NAMPT: variants seen among roughly 807,000 people sequenced by gnomAD.
NAMPT encodes the protein nicotinamide phosphoribosyltransferase.
A neutral mutation model predicts 58.7 loss-of-function variants in NAMPT; 7 were observed. The ratio of observed to expected loss-of-function variants is 0.12; its 90% CI spans 0.07 to 0.22. The LOEUF is 0.22. NAMPT is among the 10% of genes least tolerant of loss of function. The pLI is 1.00. For synonymous variants in NAMPT, 145 were observed against 198.1 expected, an observed-to-expected ratio of 0.73 and a Z score of 2.25; for missense variants, 271 against 567.9, an observed-to-expected ratio of 0.48 and a Z score of 5.31.
At chr7:106,276,351 C>CTAAG (rs1562818693) in intron 2 of NAMPT, 2 of 152,116 alleles carry the variant, frequency 1.3e-5, no homozygotes, top group Non-Finnish European at 2.9e-5. Context: ...GCATTTGCAA[C>CTAAG]TAAGTCCAGA....
At chr7:106,253,959 A>G (rs1173746649) in intron 9 of NAMPT, among the ~76,000 whole-genome samples, 3 of 152,164 alleles carry the variant, frequency 2.0e-5, no homozygotes, top group African/African-American at 2.4e-5. Flanking sequence ...TGACTGTGGT[A>G]TAACAATCCA....
chr7:106,248,311 CTTTA>C lies in NAMPT; in HGVS notation c.*2768_*2771del, dbSNP rs942317035. On this transcript the variant is annotated 3_prime_UTR_variant, in exon 11 of 11. Transcript: ENST00000222553. ...TTAACACTTCACTAATAGAGCTAAA[CTTTA>C]TTTCCATGTTTATTACATGTTTATA... 1.3e-5 allele frequency: 2 copies of C among 152,520 alleles called. No individual in the cohort carries two copies. The highest frequency in any genetic ancestry group is 2.9e-5 in the Non-Finnish European group (2 of 67,982). 9.4% of individuals were successfully genotyped at this position (152,520 alleles called of 1,614,324 possible).
At chr7:106,276,774 G>A (rs542428851) in intron 2 of NAMPT, 18 of 345,004 alleles carry the variant, frequency 5.2e-5, no homozygotes, top group Admixed American at 8.3e-5. Context: ...ACCAGGAGGC[G>A]GAGGTTGCGC....
intron 3 of NAMPT, 106 bp downstream of exon 3, chr7:106,274,840 G>C (rs1216769304): frequency 4.2e-6 from 3 of 709,824 alleles, no homozygotes; most frequent in Middle Eastern, 4.2e-4. Context: ...GGGTGACAGA[G>C]TGACACTTTC....
chr7:106,284,814 G>T lies in NAMPT; in HGVS notation c.57+14C>A, dbSNP rs751960204. ...GCCCCGCTCCTCCTCATCTGCCCGGGCCCCGAGCTTTACCTTGTAGGAGTC... is the reference window on the plus strand; with the variant it reads ...GCCCCGCTCCTCCTCATCTGCCCGGTCCCCGAGCTTTACCTTGTAGGAGTC... On this transcript the variant is annotated intron_variant, in intron 1 of 10. Coordinates refer to ENST00000222553, the MANE Select transcript of NAMPT (RefSeq NM_005746.3). 1 of 1,532,964 alleles carries T rather than the reference G, an allele frequency of 6.5e-7. No homozygotes were observed. The highest frequency in any genetic ancestry group is 1.4e-5 in the African/African-American group (1 of 71,944). 95.0% of individuals were successfully genotyped at this position (1,532,964 alleles called of 1,614,324 possible).
intron 1 of NAMPT, among the ~76,000 whole-genome samples, chr7:106,281,657 A>G (rs1167274828): frequency 1.3e-5 from 2 of 152,242 alleles, no homozygotes; most frequent in Non-Finnish European, 2.9e-5. Flanking sequence ...GTATTATTTA[A>G]GATTTCTTAA....
chr7:106,285,261 C>T (rs1354823117), upstream of NAMPT: 1 of 847,398 alleles, frequency 1.2e-6, no homozygotes, highest in Non-Finnish European at 1.5e-6. Flanking sequence ...TCCCAGACGC[C>T]AGCTCTGGGA....
chr7:106,258,793 T>C (rs139027518), intron 8 of NAMPT, among the ~76,000 whole-genome samples: 528 of 152,336 alleles, frequency 3.5e-3, no homozygotes, highest in African/African-American at 0.012. Flanking sequence ...GTCATCTTTT[T>C]GTTGGTGGAG....
At chr7:106,252,199 A>G (rs1257352074) in intron 10 of NAMPT, among the ~76,000 whole-genome samples, 1 of 152,128 alleles carries the variant, frequency 6.6e-6, no homozygotes, top group Non-Finnish European at 1.5e-5. Flanking sequence ...AAGTGACTTT[A>G]GCTCATCTAG....
At chr7:106,284,686 CGCCTCCCCCGG>C (rs1303370058) in intron 1 of NAMPT, 131 bp downstream of exon 1, 4 of 1,014,338 alleles carry the variant, frequency 3.9e-6, no homozygotes, top group South Asian at 4.7e-5. Flanking sequence ...CCGCCGCCCG[CGCCTCCCCCGG>C]GCCTCCCCGC....
At chr7:106,267,027 G>A (rs527800952) in intron 6 of NAMPT, among the ~76,000 whole-genome samples, 28 of 152,096 alleles carry the variant, frequency 1.8e-4, no homozygotes, top group Middle Eastern at 3.4e-3. Flanking sequence ...TTTCATTCTT[G>A]TGCTTTCATC....
intron 1 of NAMPT, among the ~76,000 whole-genome samples, chr7:106,278,456 T>C (rs369217667): frequency 1.3e-5 from 2 of 152,082 alleles, no homozygotes; most frequent in African/African-American, 2.4e-5. Flanking sequence ...GATAGTGATA[T>C]ACTAAAAGGT....
At chr7:106,253,815 C>T (rs1792146579) in intron 9 of NAMPT, among the ~76,000 whole-genome samples, 1 of 152,106 alleles carries the variant, frequency 6.6e-6, no homozygotes, top group Non-Finnish European at 1.5e-5. Flanking sequence ...AGGGAATCAA[C>T]TCAGGTGTTC....
chr7:106,276,962 G>C, intron 2 of NAMPT, 61 bp downstream of exon 2: 1 of 1,272,620 alleles, frequency 7.9e-7, no homozygotes, highest in Non-Finnish European at 1.1e-6. Context: ...AATTCTAAAA[G>C]AACTCCTAAA....
chr7:106,283,550 T>G (rs970595280), intron 1 of NAMPT, among the ~76,000 whole-genome samples: 1 of 152,184 alleles, frequency 6.6e-6, no homozygotes, highest in South Asian at 2.1e-4. Context: ...AACACTATGA[T>G]TGAACCAAGA....
chr7:106,253,226 A>C (rs1278240980), intron 9 of NAMPT, 75 bp from the exon 10 acceptor site: 1 of 1,486,330 alleles, frequency 6.7e-7, no homozygotes, highest in African/African-American at 1.4e-5. Context: ...CCTTACAAAA[A>C]AGCACATACA....
At chr7:106,278,894 T>C (rs944911655) in intron 1 of NAMPT, among the ~76,000 whole-genome samples, 7 of 152,230 alleles carry the variant, frequency 4.6e-5, no homozygotes, top group Non-Finnish European at 7.3e-5. Context: ...CATAGTTTTA[T>C]TTCTCCACAG....
chr7:106,285,431 C>T, upstream of NAMPT: 1 of 635,752 alleles, frequency 1.6e-6, no homozygotes, highest in Non-Finnish European at 2.0e-6. Flanking sequence ...ACCTTCCGTC[C>T]TACCCAGTCC....
chr7:106,281,052 A>G (rs1475417195), intron 1 of NAMPT, among the ~76,000 whole-genome samples: 2 of 150,270 alleles, frequency 1.3e-5, no homozygotes, highest in Non-Finnish European at 3.0e-5. Flanking sequence ...AAATTATTAC[A>G]TACTAGATAA....
Sources: gnomAD v4.1 joint callset for allele counts (sites outside exome capture counted in the v4.1 genomes callset) on GRCh38, gnomAD v4.1.1 for gene constraint, MANE v1.5 for transcripts, NCBI Gene and HGNC (gene_info 2026-07-23, HGNC 2026-07-21) for gene names.